The following DCAF10 variants were observed in gnomAD, a reference collection of about 807,000 sequenced individuals.
DCAF10 encodes the protein DDB1- and CUL4-associated factor 10.
DCAF10 carries 19 observed loss-of-function variants against 51.9 expected under a neutral mutation model. That is an observed-to-expected ratio of 0.37 (90% confidence interval 0.26 to 0.54). The LOEUF is 0.54. Among genes scored for constraint, DCAF10 ranks in the 20% least tolerant of loss-of-function variants. The pLI is 0.87. For missense variants in DCAF10, 510 were observed against 730.6 expected (o/e 0.70, Z 3.48); for synonymous variants, 291 against 297.1 (o/e 0.98, Z 0.21).
intron 2 of DCAF10, among the ~76,000 whole-genome samples, chr9:37,835,160 C>T (rs1830118980): frequency 1.3e-5 from 2 of 151,974 alleles, no homozygotes; most frequent in African/African-American, 2.4e-5. Context: ...CAGGGCCGGG[C>T]GCAGTGGCTC....
Position 37,861,099 on chromosome 9 carries a change from G to A in DCAF10, c.1312-41G>A. 1 of 1,567,940 alleles carries A rather than the reference G, an allele frequency of 6.4e-7. No individual in the cohort carries two copies. The highest frequency in any genetic ancestry group is 2.1e-4 in the Middle Eastern group (1 of 4,832). On this transcript the variant is annotated intron_variant, in intron 6 of 6. Transcript: ENST00000377724. This position sits in a 1 kb window ranked among gnomAD's most constrained non-coding sequence, Gnocchi z 4.9. ...ATAAGGAATATCTGTAGCACTATTT[G>A]GGCTCTGTAACCTTGGTTTGTCTCC...
chr9:37,849,701 TGAAACC>T, intron 3 of DCAF10, among the ~76,000 whole-genome samples: 1 of 152,168 alleles, frequency 6.6e-6, no homozygotes, highest in South Asian at 2.1e-4. Context: ...ACCAATATAG[TGAAACC>T]CCGTGTCTAC....
At position 37,857,329 on chromosome 9, in the gene DCAF10, G is replaced by T. The variant is rs367985446; in HGVS notation, c.1143G>T (p.Met381Ile). ...ATTCTAATTCTTCTGAGAAACACAT[G>T]TCACGAGCCTCTCAAAGAGAAGGTA... ...HSDSNSSEKHMSRASQREGVS... is the reference protein window; with the variant it reads ...HSDSNSSEKHISRASQREGVS... Residue 381 changes from methionine to isoleucine, a missense_variant, in exon 5 of 7, where the codon ATG (methionine) becomes ATT (isoleucine). Around this residue, in one of 4 missense-constraint regions of DCAF10, gnomAD observed 29 missense variants for 24.9 expected, o/e 1.16. Coordinates refer to ENST00000377724, the MANE Select transcript of DCAF10 (RefSeq NM_024345.5). The T allele has an allele frequency of 3.7e-6, 6 of 1,608,660 alleles. No homozygotes were observed. In the East Asian group the frequency reaches 1.3e-4, roughly 36 times the overall value.
At chr9:37,857,181 G>T in intron 4 of DCAF10, 60 bp from the exon 5 acceptor site, 1 of 1,320,310 alleles carries the variant, frequency 7.6e-7, no homozygotes, top group Non-Finnish European at 1.0e-6. Context: ...TAATTAAAAA[G>T]TTAAGAGCCA....
intron 3 of DCAF10, 121 bp downstream of exon 3, chr9:37,842,407 A>AATTTTAGTAAAC: frequency 1.1e-6 from 1 of 933,078 alleles, no homozygotes; most frequent in Non-Finnish European, 1.5e-6. Context: ...AAAGCAACCA[A>AATTTTAGTAAAC]AAAGTGATGA....
intron 2 of DCAF10, among the ~76,000 whole-genome samples, chr9:37,837,695 T>C (rs1830211145): frequency 6.6e-6 from 1 of 152,118 alleles, no homozygotes. Flanking sequence ...CTTTTTATAG[T>C]AGAAGCAGGT....
chr9:37,820,980 G>A (rs922403652), intron 2 of DCAF10, among the ~76,000 whole-genome samples: 10 of 152,068 alleles, frequency 6.6e-5, no homozygotes, highest in African/African-American at 2.4e-4. Flanking sequence ...ACAGTGAAAA[G>A]TAAGTCTATC....
In DCAF10 at chr9:37,800,936, C is replaced by T. The variant is rs2118999007; in HGVS notation, c.70C>T (p.Pro24Ser). 1.3e-6 allele frequency: 2 copies of T among 1,497,236 alleles called. No individual in the cohort carries two copies. Among genetic ancestry groups the T allele is most frequent in the East Asian group, 5.1e-5 (2 of 39,514 alleles). The allele number at this position is 1,497,236 out of a possible 1,614,324, so 92.7% of individuals were successfully genotyped here. ...CGGAGCCGGGGCTGAGGAGCCGACGCCCCACGAGGGGCAGGCAGCAGCCAC... is the reference window on the plus strand; with the variant it reads ...CGGAGCCGGGGCTGAGGAGCCGACGTCCCACGAGGGGCAGGCAGCAGCCAC... ...SAGAGAEEPT[P>S]HEGQAAATGP... The change falls in exon 1 of 7, where the codon CCC becomes TCC. Residue 24 changes from proline to serine, a missense_variant. By Grantham distance (74) the Pro-to-Ser change is moderately conservative. Coordinates refer to ENST00000377724, the MANE Select transcript of DCAF10 (RefSeq NM_024345.5).
At chr9:37,854,394 C>T (rs2118154108) in intron 3 of DCAF10, among the ~76,000 whole-genome samples, 1 of 152,252 alleles carries the variant, frequency 6.6e-6, no homozygotes, top group South Asian at 2.1e-4. Flanking sequence ...AGGCATGAGC[C>T]ACCATGCCTG....
intron 1 of DCAF10, among the ~76,000 whole-genome samples, chr9:37,816,659 GGTGTGTGT>G (rs1554685707): frequency 4.8e-5 from 7 of 144,890 alleles, no homozygotes; most frequent in African/African-American, 1.3e-4. Flanking sequence ...CTGCACCTGG[GGTGTGTGT>G]GTGTGTGTGT....
chr9:37,800,728 C>T (rs1828891051), upstream of DCAF10: 2 of 1,534,882 alleles, frequency 1.3e-6, no homozygotes, highest in Middle Eastern at 1.7e-4. Context: ...CGGTCCCCGG[C>T]GGACGGTGGC....
chr9:37,847,400 A>T (rs1830511695), intron 3 of DCAF10, among the ~76,000 whole-genome samples: 1 of 152,116 alleles, frequency 6.6e-6, no homozygotes, highest in African/African-American at 2.4e-5. Flanking sequence ...TTATCCCAGG[A>T]ATACAGGGTT....
At chr9:37,816,578 A>C (rs1464061105) in intron 1 of DCAF10, among the ~76,000 whole-genome samples, 1 of 148,994 alleles carries the variant, frequency 6.7e-6, no homozygotes, top group East Asian at 1.9e-4. Flanking sequence ...CAACAAGAGC[A>C]AAACTCTGTC....
chr9:37,861,321 T>G lies in DCAF10; in HGVS notation c.1493T>G (p.Leu498Trp). 1 of 1,614,182 alleles carries G rather than the reference T, an allele frequency of 6.2e-7. No individual in the cohort carries two copies. Reference protein sequence around the residue: ...SSPHGYGIRLLGFDKQCSELV... With the variant: ...SSPHGYGIRLWGFDKQCSELV... Reference sequence around the variant, plus strand: ...CCACATGGCTATGGGATTCGCTTGTTGGGATTTGACAAACAGTGCAGTGAA... The same window carrying G: ...CCACATGGCTATGGGATTCGCTTGTGGGGATTTGACAAACAGTGCAGTGAA... The change falls in exon 7 of 7, where the codon TTG (leucine) becomes TGG (tryptophan). Residue 498 changes from leucine (L) to tryptophan (W), a missense_variant. By Grantham distance (61) the Leu-to-Trp change is moderately conservative (BLOSUM62 -2). Transcript: ENST00000377724. The surrounding 1 kb of genome is among the most constrained non-coding windows in gnomAD (Gnocchi z 4.9).
At position 37,860,249 on chromosome 9, in the gene DCAF10, C is replaced by T. The variant is rs1368970743; in HGVS notation, c.1311+56C>T. 6.2e-5 allele frequency: 100 copies of T among 1,607,686 alleles called. 1 individual carries two copies. The highest frequency in any genetic ancestry group is 1.7e-4 in the Middle Eastern group (1 of 6,022). ...GGCTCATTGGACAAATTGCCATTGC[C>T]GTGTGTGCAGAGCTTAGGCCGATCG... is the stretch of plus-strand genomic sequence containing the variant. On this transcript the variant is annotated intron_variant, in intron 6 of 6. Coordinates refer to ENST00000377724, the MANE Select transcript of DCAF10 (RefSeq NM_024345.5).
intron 2 of DCAF10, among the ~76,000 whole-genome samples, chr9:37,827,448 TTTACA>T (rs1470506754): frequency 6.6e-6 from 1 of 152,190 alleles, no homozygotes; most frequent in African/African-American, 2.4e-5. Flanking sequence ...AGTTAATGTA[TTTACA>T]TTAAACAAAT....
rs758401010 is a variant in DCAF10, at chr9:37,814,201, C to T, written c.540-5087C>T. Among the ~76,000 whole-genome samples, 21 of 143,314 alleles carry T rather than the reference C, an allele frequency of 1.5e-4. No homozygotes were observed. In the East Asian group the frequency reaches 1.8e-3, roughly 12 times the overall value. 94.0% of individuals were successfully genotyped at this position (143,314 alleles called of 152,430 possible). On this transcript the variant is annotated intron_variant, in intron 1 of 6. Coordinates refer to ENST00000377724, the MANE Select transcript of DCAF10 (RefSeq NM_024345.5). ...TCACCCAGGCTGGAGTGCAATGGCA[C>T]GATCTCAGGTTACTGCAACCTCTGC...
intron 2 of DCAF10, among the ~76,000 whole-genome samples, chr9:37,840,928 G>C (rs1327270235): frequency 6.6e-6 from 1 of 152,150 alleles, no homozygotes; most frequent in East Asian, 1.9e-4. Flanking sequence ...GTTGCCTACA[G>C]TATTTAGTAT....
chr9:37,854,679 A>G, intron 3 of DCAF10, 101 bp from the exon 4 acceptor site: 2 of 1,106,222 alleles, frequency 1.8e-6, no homozygotes, highest in Non-Finnish European at 1.3e-6. Context: ...AGCTCTTCTC[A>G]TCCTCCCTAC....
Sources: allele counts gnomAD v4.1 joint callset (sites outside exome capture counted in the v4.1 genomes callset), GRCh38; gene constraint gnomAD v4.1.1; regional missense constraint gnomAD v4.1.1; non-coding constraint Gnocchi (gnomAD v3.1); transcripts MANE v1.5; gene names NCBI Gene and HGNC (gene_info 2026-07-23, HGNC 2026-07-21).